The following GHRL variants were observed in gnomAD, a reference collection of about 807,000 sequenced individuals.
GHRL encodes appetite-regulating hormone.
GHRL carries 24 observed loss-of-function variants against 16.9 expected under a neutral mutation model. That is an observed-to-expected ratio of 1.42 (90% CI 1.03 to 2.00). The LOEUF is 2.00. Among genes scored for constraint, GHRL ranks in the 30% most tolerant of loss-of-function variants. The probability of loss-of-function intolerance (pLI) is 0.00; values close to 1 mark genes in which losing one functional copy is unlikely to be tolerated. For missense variants in GHRL, 193 were observed against 142.1 expected (o/e 1.36, Z -1.82); for synonymous variants, 63 against 58.2 (o/e 1.08, Z -0.37).
Position 10,285,845 on chromosome 3 carries a change from TAG to T in GHRL, c.*28_*29del. On this transcript the variant is annotated 3_prime_UTR_variant, in exon 6 of 6. Transcript: ENST00000335542. ...AAAGCCAGATGAGCGCTTCTAAACT[TAG>T]AGAGAGGTGAGTAAGGCTTGTGGGC... 1 of 1,604,792 alleles carries T rather than the reference TAG, an allele frequency of 6.2e-7. No homozygotes were observed. Among genetic ancestry groups the T allele is most frequent in the Non-Finnish European group, 8.5e-7 (1 of 1,171,616 alleles).
chr3:10,290,692 A>C, intron 2 of GHRL, 24 bp downstream of exon 2: 1 of 1,006,894 alleles, frequency 9.9e-7, no homozygotes, highest in Non-Finnish European at 1.2e-6. Context: ...CAGCAAACGC[A>C]CACGGAGAGT....
At chr3:10,287,080 G>T (rs1361936930) in intron 4 of GHRL, 3 of 299,420 alleles carry the variant, frequency 1.0e-5, no homozygotes, top group South Asian at 5.1e-5. Context: ...GCTGATAAAA[G>T]CTGTGGTGCC....
At chr3:10,292,771 AAAAAT>A in intron 1 of GHRL, 66 bp downstream of exon 1, 1 of 951,822 alleles carries the variant, frequency 1.1e-6, no homozygotes, top group Non-Finnish European at 1.6e-6. Flanking sequence ...CCATAAAAAA[AAAAAT>A]CCCCAAACAG....
rs1306263545 is a variant in GHRL at position 10,291,221 on chromosome 3, TC to T, written c.-536del. ...GAGCCAGGCTGGTGATTCTACACCT[TC>T]CCGAGGAGGAGTCCCACCTCCCGGT... On this transcript the variant is annotated 5_prime_UTR_variant, in exon 2 of 6. The change abolishes the stop of an existing upstream ORF in the 5' untranslated region. Transcript: ENST00000335542. 3 of 985,426 alleles carry T rather than the reference TC, an allele frequency of 3.0e-6. No homozygotes were observed. The African/African-American group carries it at 5.2e-5, about 17-fold the overall frequency. 61.0% of individuals were successfully genotyped at this position (985,426 alleles called of 1,614,324 possible).
rs1698958964 is a variant in GHRL, at chr3:10,285,749, A to C, written c.*126T>G. ...ATAAATTCCCATTTGGAACATCAGCATACAGTTTGAACATTTATTCGCCTC... is the reference window on the plus strand; with the variant it reads ...ATAAATTCCCATTTGGAACATCAGCCTACAGTTTGAACATTTATTCGCCTC... On this transcript the variant is annotated 3_prime_UTR_variant, in exon 6 of 6. Coordinates refer to ENST00000335542, the MANE Select transcript of GHRL (RefSeq NM_016362.5). The C allele has an allele frequency of 1.4e-6, 1 of 703,748 alleles. No individual in the cohort carries two copies. Among genetic ancestry groups the C allele is most frequent in the South Asian group, 1.7e-5 (1 of 59,210 alleles). The allele number at this position is 703,748 out of a possible 1,614,324, so 43.6% of individuals were successfully genotyped here.
intron 1 of GHRL, 85 bp downstream of exon 1, chr3:10,292,757 C>G (rs1028886553): frequency 1.3e-6 from 1 of 785,602 alleles, no homozygotes; most frequent in South Asian, 1.6e-5. Context: ...TCAGAGCCAC[C>G]AACCCATAAA....
chr3:10,290,293 G>A (rs1475501431), intron 2 of GHRL, 84 bp from the exon 3 acceptor site: 18 of 1,351,868 alleles, frequency 1.3e-5, no homozygotes, highest in African/African-American at 2.9e-5. Flanking sequence ...AGCAGATGGC[G>A]TGAAGGGCTT....
intron 2 of GHRL, 50 bp from the exon 3 acceptor site, chr3:10,290,259 C>T: frequency 6.5e-7 from 1 of 1,543,446 alleles, no homozygotes; most frequent in Non-Finnish European, 8.8e-7. Context: ...TCATGTGCCT[C>T]TGAGCTTGCT....
chr3:10,290,253 G>T (rs1291985775), intron 2 of GHRL, 44 bp from the exon 3 acceptor site: 2 of 1,551,946 alleles, frequency 1.3e-6, no homozygotes, highest in African/African-American at 2.7e-5. Flanking sequence ...CCCTTCTCAT[G>T]TGCCTCTGAG....
In GHRL at chr3:10,290,852, A is replaced by G; in HGVS notation, c.-166T>C. 2.0e-6 allele frequency: 2 copies of G among 985,966 alleles called. No homozygotes were observed. The highest frequency in any genetic ancestry group is 2.4e-6 in the Non-Finnish European group (2 of 830,276). 61.1% of individuals were successfully genotyped at this position (985,966 alleles called of 1,614,324 possible). Reference sequence around the variant, plus strand: ...GGCTGATGTACATTCCTTGGGAACTAAAAATGTTCTTGTCCTCTGGGTAGA... The same window carrying G: ...GGCTGATGTACATTCCTTGGGAACTGAAAATGTTCTTGTCCTCTGGGTAGA... On this transcript the variant is annotated 5_prime_UTR_variant, in exon 2 of 6. Transcript: ENST00000335542.
intron 1 of GHRL, chr3:10,292,571 G>A: frequency 6.5e-6 from 3 of 459,162 alleles, no homozygotes; most frequent in Non-Finnish European, 1.1e-5. Flanking sequence ...CCAACCCACT[G>A]TGGTGGCTAA....
intron 4 of GHRL, 191 bp from the exon 5 acceptor site, chr3:10,287,003 C>T: frequency 1.9e-6 from 1 of 532,940 alleles, no homozygotes; most frequent in Non-Finnish European, 3.4e-6. Context: ...CTCACCTTCC[C>T]ACTCACCATC....
intron 4 of GHRL, 158 bp from the exon 5 acceptor site, chr3:10,286,970 C>A (rs1559471827): frequency 3.5e-6 from 2 of 571,732 alleles, no homozygotes; most frequent in South Asian, 4.1e-5. Flanking sequence ...CAGCCAGGTT[C>A]TCTTCCTTTC....
intron 5 of GHRL, among the ~76,000 whole-genome samples, chr3:10,286,330 A>G (rs984488919): frequency 2.0e-5 from 3 of 152,204 alleles, no homozygotes; most frequent in African/African-American, 7.2e-5. Context: ...TCTGAGTGCT[A>G]TTTTGGCACC....
At chr3:10,291,835 C>G (rs1242155344) in intron 1 of GHRL, among the ~76,000 whole-genome samples, 4 of 152,050 alleles carry the variant, frequency 2.6e-5, no homozygotes. Context: ...AGCAAAGGCT[C>G]CAGGAAAGAG....
Position 10,292,845 on chromosome 3 carries a change from G to T in GHRL, c.-769C>A. ...GAGACATGAAGCCTCCACTTACCTG[G>T]ACCCTGGAGGCCTCTCCGGGCACAG... On this transcript the variant is annotated 5_prime_UTR_variant, in exon 1 of 6. Transcript: ENST00000335542. 1 of 1,535,330 alleles carries T rather than the reference G, an allele frequency of 6.5e-7. No homozygotes were observed. Among genetic ancestry groups the T allele is most frequent in the South Asian group, 1.2e-5 (1 of 83,316 alleles).
At chr3:10,292,521 A>G (rs1238863066) in intron 1 of GHRL, 3 of 335,944 alleles carry the variant, frequency 8.9e-6, no homozygotes, top group African/African-American at 6.6e-5. Flanking sequence ...TTAAGTGGAC[A>G]TGAGGGACAA....
intron 1 of GHRL, among the ~76,000 whole-genome samples, chr3:10,291,795 C>T (rs941792215): frequency 8.5e-5 from 13 of 152,152 alleles, no homozygotes; most frequent in African/African-American, 2.9e-4. Context: ...GAGGAGCTCA[C>T]CTTAGGCTGG....
chr3:10,290,233 CA>C, intron 2 of GHRL, 24 bp from the exon 3 acceptor site: 1 of 1,570,840 alleles, frequency 6.4e-7, no homozygotes, highest in Non-Finnish European at 8.6e-7. Context: ...GGTCTCCAGG[CA>C]GCTGCCTCCC....
Sources: gnomAD v4.1 joint callset for allele counts (sites outside exome capture counted in the v4.1 genomes callset) on GRCh38, gnomAD v4.1.1 for gene constraint, MANE v1.5 for transcripts, NCBI Gene and HGNC (gene_info 2026-07-23, HGNC 2026-07-21) for gene names.